Variants in GLIS1 observed in about 807,000 individuals in gnomAD.
GLIS1 encodes the protein zinc finger protein GLIS1.
A neutral mutation model predicts 63.8 loss-of-function variants in GLIS1; 24 were observed. The observed-to-expected ratio is 0.38, with a 90% CI of 0.27 to 0.53. GLIS1 has a LOEUF of 0.53. Ranked by LOEUF, GLIS1 falls within the 20% of genes least tolerant of loss-of-function variation. The pLI, the probability that GLIS1 is intolerant of heterozygous loss-of-function variation, is 0.85. For synonymous variants in GLIS1, 450 were observed against 482.5 expected (o/e 0.93, Z 0.88); for missense variants, 1,036 against 1,074.1 (o/e 0.96, Z 0.50).
chr1:53,592,911 G>C (rs1393141931), intron 4 of GLIS1, among the ~76,000 whole-genome samples: 3 of 152,230 alleles, frequency 2.0e-5, no homozygotes, highest in African/African-American at 7.2e-5. Flanking sequence ...AGGTAGGTGG[G>C]GCCCAAGGGC....
intron 7 of GLIS1, among the ~76,000 whole-genome samples, chr1:53,515,853 G>A (rs1250490736): frequency 1.4e-5 from 2 of 140,410 alleles, no homozygotes; most frequent in African/African-American, 5.5e-5. Flanking sequence ...GAATGCACCT[G>A]ACCCCTGCAT....
chr1:53,506,471 G>A lies in GLIS1; in HGVS notation c.*148C>T, dbSNP rs998670717. 1.4e-5 allele frequency: 11 copies of A among 781,752 alleles called. No individual in the cohort carries two copies. Among genetic ancestry groups the A allele is most frequent in the Middle Eastern group, 3.7e-4 (1 of 2,684 alleles). The allele number at this position is 781,752 out of a possible 1,614,324, so 48.4% of individuals were successfully genotyped here. A position where few individuals can be genotyped will look rare whatever the true frequency, so the allele number is the denominator to read the frequency against. Reference sequence around the variant, plus strand: ...GCGGCTCCCTGGCAGCGCTGGGTGGGGTGGCAGCGCTGGCTCCCCTGGGTC... The same window carrying A: ...GCGGCTCCCTGGCAGCGCTGGGTGGAGTGGCAGCGCTGGCTCCCCTGGGTC... On this transcript the variant is annotated 3_prime_UTR_variant, in exon 11 of 11. Transcript: ENST00000628545.
At chr1:53,587,706 C>T (rs1029928069) in intron 4 of GLIS1, among the ~76,000 whole-genome samples, 1 of 152,204 alleles carries the variant, frequency 6.6e-6, no homozygotes, top group Non-Finnish European at 1.5e-5. Flanking sequence ...AAAATAGTTA[C>T]ATGCAATATC....
At chr1:53,596,021 T>C (rs912689477) in intron 3 of GLIS1, among the ~76,000 whole-genome samples, 6 of 152,194 alleles carry the variant, frequency 3.9e-5, no homozygotes, top group Non-Finnish European at 7.4e-5. Context: ...CGTGCAAACG[T>C]GGGCAAGGTC....
At chr1:53,655,835 G>A (rs1030521606) in intron 2 of GLIS1, among the ~76,000 whole-genome samples, 12 of 152,170 alleles carry the variant, frequency 7.9e-5, no homozygotes, top group African/African-American at 2.9e-4. Context: ...ACCTCAGGTT[G>A]AGGCACCACG....
chr1:53,602,880 G>C (rs1383851830), intron 2 of GLIS1, among the ~76,000 whole-genome samples: 2 of 152,196 alleles, frequency 1.3e-5, no homozygotes, highest in Admixed American at 1.3e-4. Flanking sequence ...GAGAGCCTCT[G>C]GGAAAGTAAA....
At position 53,738,041 on chromosome 1, in the gene GLIS1, T is replaced by G. The variant is rs1357429930; in HGVS notation, c.24A>C (p.Ala8=). The G allele has an allele frequency of 8.1e-7, 1 of 1,230,466 alleles. No individual in the cohort carries two copies. Among genetic ancestry groups the G allele is most frequent in the East Asian group, 3.2e-5 (1 of 31,640 alleles). 76.2% of individuals were successfully genotyped at this position (1,230,466 alleles called of 1,614,324 possible). The stretch of plus-strand genomic sequence containing the variant: ...CCTCCTTAGGCCTCTTGTCCGAGTG[T>G]GCCTCAGCCACCTCGCAATGCATGG... The part of the protein sequence containing the change: MHCEVAE[A]HSDKRPKEAP... The change falls in exon 2 of 11, where the codon GCA becomes GCC. Residue 8 remains alanine, a synonymous_variant. Coordinates refer to ENST00000628545, the MANE Select transcript of GLIS1 (RefSeq NM_001367484.1).
intron 2 of GLIS1, among the ~76,000 whole-genome samples, chr1:53,668,492 G>A (rs1259871409): frequency 1.3e-5 from 2 of 152,156 alleles, no homozygotes; most frequent in Admixed American, 1.3e-4. Context: ...CTCCCATGTG[G>A]CTGAGACTAT....
intron 4 of GLIS1, among the ~76,000 whole-genome samples, chr1:53,548,176 C>A (rs1644723694): frequency 1.3e-5 from 2 of 152,172 alleles, no homozygotes; most frequent in South Asian, 4.1e-4. Flanking sequence ...TCTCACAGGG[C>A]CGTTCTGGCT....
chr1:53,622,726 C>T (rs1057103061), intron 2 of GLIS1, among the ~76,000 whole-genome samples: 1 of 152,120 alleles, frequency 6.6e-6, no homozygotes, highest in African/African-American at 2.4e-5. Flanking sequence ...ACCAGAGGCC[C>T]AAAGAGGCAA....
At chr1:53,627,138 C>G (rs1247875669) in intron 2 of GLIS1, among the ~76,000 whole-genome samples, 1 of 152,172 alleles carries the variant, frequency 6.6e-6, no homozygotes, top group Non-Finnish European at 1.5e-5. Context: ...TCGAACAAGG[C>G]ATTACCTGAA....
intron 2 of GLIS1, among the ~76,000 whole-genome samples, chr1:53,681,332 G>A (rs1199497036): frequency 6.6e-6 from 1 of 152,264 alleles, no homozygotes; most frequent in African/African-American, 2.4e-5. Flanking sequence ...AGCCACAGTT[G>A]TCCAACAAGG....
intron 2 of GLIS1, among the ~76,000 whole-genome samples, chr1:53,648,286 A>C (rs1205561022): frequency 6.6e-6 from 1 of 152,192 alleles, no homozygotes; most frequent in African/African-American, 2.4e-5. Context: ...CGCCAGAAAA[A>C]TGTAAATTCA....
At chr1:53,663,850 C>A (rs973166311) in intron 2 of GLIS1, among the ~76,000 whole-genome samples, 2 of 152,186 alleles carry the variant, frequency 1.3e-5, no homozygotes, top group African/African-American at 4.8e-5. Context: ...TTACAAGGAG[C>A]CAGGATTTAT....
intron 2 of GLIS1, among the ~76,000 whole-genome samples, chr1:53,630,064 G>T (rs1017319194): frequency 6.6e-6 from 1 of 152,180 alleles, no homozygotes; most frequent in Non-Finnish European, 1.5e-5. Flanking sequence ...GTTATTGTGT[G>T]TGTATGCATA....
At chr1:53,582,412 G>T (rs1307329347) in intron 4 of GLIS1, among the ~76,000 whole-genome samples, 1 of 152,200 alleles carries the variant, frequency 6.6e-6, no homozygotes, top group African/African-American at 2.4e-5. Context: ...ATCAGACCCT[G>T]CTAGGAGGGA....
chr1:53,701,117 G>A (rs6588487), intron 2 of GLIS1, among the ~76,000 whole-genome samples: 37,937 of 152,000 alleles, frequency 0.25, 5,045 homozygotes, highest in African/African-American at 0.35. Context: ...CATGCTTTCA[G>A]TCCTCTTAGG....
At chr1:53,548,360 G>A (rs1355045455) in intron 4 of GLIS1, among the ~76,000 whole-genome samples, 1 of 152,214 alleles carries the variant, frequency 6.6e-6, no homozygotes, top group Non-Finnish European at 1.5e-5. Context: ...GTTACTGCTG[G>A]TATTCCCGTG....
intron 4 of GLIS1, among the ~76,000 whole-genome samples, chr1:53,579,160 C>T (rs1005095492): frequency 6.6e-6 from 1 of 151,690 alleles, no homozygotes; most frequent in Non-Finnish European, 1.5e-5. Context: ...TTAAATGTTT[C>T]TCATGGAGGA....
Sources: gnomAD v4.1 joint callset for allele counts (sites outside exome capture counted in the v4.1 genomes callset) on GRCh38, gnomAD v4.1.1 for gene constraint, MANE v1.5 for transcripts, NCBI Gene and HGNC (gene_info 2026-07-23, HGNC 2026-07-21) for gene names.